The following NRG3 variants were observed in gnomAD, a reference collection of about 807,000 sequenced individuals.
The protein encoded by NRG3 is pro-neuregulin-3, membrane-bound isoform.
Under a neutral mutation model 66.9 loss-of-function variants are expected in NRG3, and 31 were observed. That is an observed-to-expected ratio of 0.46 (90% CI 0.35 to 0.63). NRG3 has a LOEUF of 0.63. Ranked by LOEUF, NRG3 falls within the 20% of genes least tolerant of loss-of-function variation. NRG3 has a pLI of 0.00. For missense variants in NRG3, 910 were observed against 878.9 expected (o/e 1.04, Z -0.45); for synonymous variants, 393 against 359.4 (o/e 1.09, Z -1.06).
rs761374063 is a variant in NRG3, at chr10:82,979,088, G to A, written c.1551G>A (p.Arg517=). The A allele has an allele frequency of 7.4e-6, 12 of 1,614,088 alleles. No homozygotes were observed. Among genetic ancestry groups the A allele is most frequent in the African/African-American group, 1.3e-5 (1 of 75,046 alleles). ...GPAYQQLEES[R]IPDQDTIPCQ... ...CATATCAGCAACTCGAAGAATCAAG[G>A]ATCCCAGACCAGGATACGATACCTT... Residue 517 remains arginine (R), a synonymous_variant, in exon 8 of 9, where the codon AGG becomes AGA. Transcript: ENST00000372141.
In NRG3 at chr10:82,470,849, T is replaced by G. The variant is rs564074389; in HGVS notation, c.953+111981T>G. Among the ~76,000 whole-genome samples, 82 of 152,278 alleles carry G rather than the reference T, an allele frequency of 5.4e-4. No homozygotes were observed. The South Asian group carries it at 7.7e-3, about 14-fold the overall frequency. ...TGAAGTGAGAGCTTCCAACCCTGCC[T>G]CCTCAAGCTCCCCTGCCCTACTCAG... On this transcript the variant is annotated intron_variant, in intron 2 of 8. Coordinates refer to ENST00000372141, the MANE Select transcript of NRG3 (RefSeq NM_001010848.4).
At chr10:82,847,323 A>G (rs1466493541) in intron 3 of NRG3, among the ~76,000 whole-genome samples, 6 of 152,242 alleles carry the variant, frequency 3.9e-5, no homozygotes, top group Admixed American at 3.9e-4. Flanking sequence ...TTAGTTGGCT[A>G]CGTTGACACT....
Position 82,652,360 on chromosome 10 carries a change from G to C in NRG3, c.954-86217G>C, listed in dbSNP as rs190515561. On this transcript the variant is annotated intron_variant, in intron 2 of 8. Coordinates refer to ENST00000372141, the MANE Select transcript of NRG3 (RefSeq NM_001010848.4). The stretch of plus-strand genomic sequence containing the variant: ...GGTCACACGAATGAATTGAAGGATG[G>C]TAAATGAGGGGGATTTTATTGCCAA... 3.3e-5 allele frequency among the ~76,000 whole-genome samples: 5 copies of C among 152,260 alleles called. No homozygotes were observed. In the East Asian group the frequency reaches 9.7e-4, roughly 29 times the overall value.
rs544834584 is a variant in NRG3 at position 81,974,186 on chromosome 10, T to C, written c.823+98023T>C. Among the ~76,000 whole-genome samples, 279 of 152,288 alleles carry C rather than the reference T, an allele frequency of 1.8e-3. 1 individual carries two copies. The highest frequency in any genetic ancestry group is 6.5e-3 in the African/African-American group (272 of 41,572). On this transcript the variant is annotated intron_variant, in intron 1 of 8. Coordinates refer to ENST00000372141, the MANE Select transcript of NRG3 (RefSeq NM_001010848.4). Reference sequence around the variant, plus strand: ...AGGTGTCCTTTCCCCATTGCTTGTTTTTGTCAGGTTTATTGAAGATCAGAT... The same window carrying C: ...AGGTGTCCTTTCCCCATTGCTTGTTCTTGTCAGGTTTATTGAAGATCAGAT...
chr10:82,009,315 C>G (rs988018684), intron 1 of NRG3, among the ~76,000 whole-genome samples: 1 of 152,180 alleles, frequency 6.6e-6, no homozygotes, highest in African/African-American at 2.4e-5. Flanking sequence ...CCAGGGGTGG[C>G]TTGCTTTGTA....
chr10:82,212,886 T>C (rs1452179396), intron 1 of NRG3, among the ~76,000 whole-genome samples: 1 of 152,208 alleles, frequency 6.6e-6, no homozygotes, highest in Non-Finnish European at 1.5e-5. Context: ...AAAGTAAATA[T>C]ATTGCAAGTC....
intron 1 of NRG3, among the ~76,000 whole-genome samples, chr10:82,131,376 T>C (rs1777912743): frequency 1.3e-5 from 2 of 152,172 alleles, no homozygotes; most frequent in Non-Finnish European, 1.5e-5. Context: ...TTCTGGGTTC[T>C]CTATTCTGTT....
chr10:82,671,358 G>A (rs763098268), intron 2 of NRG3, among the ~76,000 whole-genome samples: 7 of 152,244 alleles, frequency 4.6e-5, no homozygotes, highest in Non-Finnish European at 1.0e-4. Context: ...TATCTGGTCT[G>A]TTTTTAGCTA....
chr10:82,662,206 C>T (rs1325124558), intron 2 of NRG3, among the ~76,000 whole-genome samples: 1 of 151,962 alleles, frequency 6.6e-6, no homozygotes, highest in Admixed American at 6.6e-5. Flanking sequence ...TTTAAAGTGA[C>T]TTTTATATAT....
At chr10:82,720,035 T>G (rs1011909079) in intron 2 of NRG3, among the ~76,000 whole-genome samples, 7 of 152,250 alleles carry the variant, frequency 4.6e-5, no homozygotes, top group African/African-American at 1.7e-4. Flanking sequence ...ATTAAACTCG[T>G]GGTCTTACTT....
chr10:82,810,565 C>G (rs907114603), intron 3 of NRG3, among the ~76,000 whole-genome samples: 1 of 151,850 alleles, frequency 6.6e-6, no homozygotes, highest in Non-Finnish European at 1.5e-5. Context: ...GAGTTTGAGA[C>G]CAGCCTGGCC....
intron 1 of NRG3, among the ~76,000 whole-genome samples, chr10:82,274,027 A>G (rs1391075810): frequency 2.0e-5 from 3 of 152,028 alleles, no homozygotes. Context: ...CGTTCTTGCA[A>G]CGGATCCAGT....
chr10:82,062,698 G>T (rs1334101682), intron 1 of NRG3, among the ~76,000 whole-genome samples: 2 of 151,946 alleles, frequency 1.3e-5, no homozygotes, highest in African/African-American at 4.8e-5. Context: ...GAGATGGAGA[G>T]GCTATGCTGT....
intron 1 of NRG3, among the ~76,000 whole-genome samples, chr10:82,346,541 C>A (rs1004054726): frequency 2.6e-5 from 4 of 152,090 alleles, no homozygotes; most frequent in Admixed American, 2.0e-4. Context: ...TTGGTTGAGT[C>A]TCTGCCCAGC....
rs573291713 is a variant in NRG3, at chr10:82,956,480, C to T, written c.1158-2469C>T. Among the ~76,000 whole-genome samples the T allele has an allele frequency of 1.7e-3, 264 of 151,882 alleles. 4 individuals are homozygous for T. The highest frequency in any genetic ancestry group is 5.5e-3 in the African/African-American group (228 of 41,246). On this transcript the variant is annotated intron_variant, in intron 5 of 8. Transcript: ENST00000372141. ...AGGCAGGCTCAGAATGGAAGGACCA[C>T]GTATCTTGGAATATTACTAAGTCAG... is the stretch of plus-strand genomic sequence containing the variant.
At chr10:82,085,185 C>A (rs2065644456) in intron 1 of NRG3, among the ~76,000 whole-genome samples, 2 of 152,084 alleles carry the variant, frequency 1.3e-5, no homozygotes, top group African/African-American at 4.8e-5. Flanking sequence ...TTCAAGATTT[C>A]ATAGGGCAAA....
At position 82,066,791 on chromosome 10, in the gene NRG3, A is replaced by G. The variant is rs530461584; in HGVS notation, c.823+190628A>G. 3.3e-5 allele frequency among the ~76,000 whole-genome samples: 5 copies of G among 152,240 alleles called. No individual in the cohort carries two copies. In the South Asian group the frequency reaches 1.0e-3, roughly 32 times the overall value. On this transcript the variant is annotated intron_variant, in intron 1 of 8. Coordinates refer to ENST00000372141, the MANE Select transcript of NRG3 (RefSeq NM_001010848.4). ...GCCATATGTTGGGAAGACACCAGCT[A>G]GTTCACCACCCATGGTACTTAGACC... is the stretch of plus-strand genomic sequence containing the variant.
At chr10:82,214,879 C>T (rs1190154242) in intron 1 of NRG3, among the ~76,000 whole-genome samples, 3 of 152,140 alleles carry the variant, frequency 2.0e-5, no homozygotes, top group Non-Finnish European at 4.4e-5. Context: ...CAAAGGAGAG[C>T]AGGGAACTAG....
intron 1 of NRG3, among the ~76,000 whole-genome samples, chr10:82,077,185 T>C (rs1041364367): frequency 6.6e-6 from 1 of 152,248 alleles, no homozygotes; most frequent in African/African-American, 2.4e-5. Context: ...TGTAATAATA[T>C]TAATGTCTAC....
Sources: allele counts gnomAD v4.1 joint callset (sites outside exome capture counted in the v4.1 genomes callset), GRCh38; gene constraint gnomAD v4.1.1; transcripts MANE v1.5; gene names NCBI Gene and HGNC (gene_info 2026-07-23, HGNC 2026-07-21).